KRABD1: variants seen among roughly 807,000 people sequenced by gnomAD.
KRABD1 encodes KRAB domain containing 1, also known as KRAB domain-containing protein 1.
chr3:42,941,391 A>G, the KRABD1 span: 1 of 1,530,588 alleles, frequency 6.5e-7, no homozygotes, highest in Non-Finnish European at 8.8e-7. Flanking sequence ...TTGGGCCCTC[A>G]GGTTGAAGGG....
At chr3:42,942,251 A>G in the KRABD1 span, among the ~76,000 whole-genome samples, 1 of 152,150 alleles carries the variant, frequency 6.6e-6, no homozygotes, top group Non-Finnish European at 1.5e-5. Flanking sequence ...GTAGTACACA[A>G]CACTCTTCTT....
the KRABD1 span, chr3:42,942,155 T>C: frequency 1.1e-6 from 1 of 952,218 alleles, no homozygotes; most frequent in South Asian, 1.4e-5. Context: ...GTGTTCTCTG[T>C]GCCCAGCATC....
the KRABD1 span, chr3:42,941,815 A>G: frequency 4.9e-6 from 3 of 610,782 alleles, no homozygotes; most frequent in Non-Finnish European, 8.9e-6. Context: ...GATCCCTCCC[A>G]GTACCTCTTT....
At chr3:42,939,923 G>C in the KRABD1 span, among the ~76,000 whole-genome samples, 604 of 152,120 alleles carry the variant, frequency 4.0e-3, 1 homozygote, top group Admixed American at 6.4e-3. Flanking sequence ...TCCTTTGTCA[G>C]ACATATGTGT....
At chr3:42,942,009 A>G in the KRABD1 span, 1 of 1,536,060 alleles carries the variant, frequency 6.5e-7, no homozygotes, top group Non-Finnish European at 8.7e-7. Flanking sequence ...CAAGGGAAAG[A>G]GTCCTGTTTC....
At chr3:42,942,064 CT>C in the KRABD1 span, 1 of 1,534,316 alleles carries the variant, frequency 6.5e-7, no homozygotes, top group Non-Finnish European at 8.7e-7. Context: ...GGAGAGCAGG[CT>C]GGATAGGTGA....
the KRABD1 span, among the ~76,000 whole-genome samples, chr3:42,940,699 A>T: frequency 1.3e-5 from 2 of 152,208 alleles, no homozygotes; most frequent in African/African-American, 4.8e-5. Flanking sequence ...GCATGAAGAC[A>T]GGCTGCGGGT....
At chr3:42,937,367 T>C in the KRABD1 span, 1 of 152,200 alleles carries the variant, frequency 6.6e-6, no homozygotes, top group Admixed American at 6.5e-5. Flanking sequence ...GTGACCTCTG[T>C]TGTAGTTCTA....
At chr3:42,942,498 A>G in the KRABD1 span, 5 of 560,914 alleles carry the variant, frequency 8.9e-6, no homozygotes, top group Non-Finnish European at 1.4e-5. Flanking sequence ...ATACTGAAAT[A>G]TTTTAAGCTT....
chr3:42,940,135 G>C, the KRABD1 span, among the ~76,000 whole-genome samples: 2 of 152,138 alleles, frequency 1.3e-5, no homozygotes, highest in African/African-American at 4.8e-5. Flanking sequence ...TTAGGTGTGT[G>C]ATTCATCTCA....
the KRABD1 span, among the ~76,000 whole-genome samples, chr3:42,939,827 A>G: frequency 6.6e-6 from 1 of 151,480 alleles, no homozygotes. Flanking sequence ...TCTTATGTGA[A>G]CTCCCTGTTC....
the KRABD1 span, chr3:42,937,074 T>A: frequency 6.6e-6 from 1 of 152,190 alleles, no homozygotes; most frequent in Non-Finnish European, 1.5e-5. Flanking sequence ...GTGTGTCCAG[T>A]GTTTAACATA....
the KRABD1 span, among the ~76,000 whole-genome samples, chr3:42,939,733 G>A: frequency 2.6e-5 from 4 of 152,236 alleles, no homozygotes; most frequent in African/African-American, 9.6e-5. Flanking sequence ...CTCGTTTGCA[G>A]TATCTCATTG....
At chr3:42,941,478 A>G in the KRABD1 span, 28 of 1,014,192 alleles carry the variant, frequency 2.8e-5, no homozygotes, top group Non-Finnish European at 3.9e-5. Context: ...GTGTCTATTG[A>G]CTTGCGAAAG....
the KRABD1 span, chr3:42,941,143 A>G: frequency 1.4e-5 from 19 of 1,338,130 alleles, no homozygotes; most frequent in African/African-American, 2.9e-5. Context: ...TCATTTGTAG[A>G]TGCCCTTCTC....
the KRABD1 span, chr3:42,941,053 A>G: frequency 2.1e-6 from 1 of 478,950 alleles, no homozygotes; most frequent in Non-Finnish European, 3.6e-6. Flanking sequence ...GGCTACTTTA[A>G]TTCTGCATCT....
the KRABD1 span, among the ~76,000 whole-genome samples, chr3:42,939,711 T>C: frequency 2.2e-4 from 34 of 152,178 alleles, no homozygotes; most frequent in African/African-American, 8.2e-4. Context: ...TCCTTACCAT[T>C]ACTTGTTGTC....
At chr3:42,939,441 A>T in the KRABD1 span, among the ~76,000 whole-genome samples, 1 of 152,254 alleles carries the variant, frequency 6.6e-6, no homozygotes, top group South Asian at 2.1e-4. Context: ...TCATTTTGTG[A>T]TAATAGCACA....
chr3:42,939,001 CATAAAA>C, the KRABD1 span: 8 of 1,125,920 alleles, frequency 7.1e-6, no homozygotes, highest in Admixed American at 1.9e-4. Flanking sequence ...TAGATACATA[CATAAAA>C]ATATCTATAT....
Sources: gnomAD v4.1 joint callset for allele counts (sites outside exome capture counted in the v4.1 genomes callset) on GRCh38, gnomAD v4.1.1 for gene constraint, MANE v1.5 for transcripts, NCBI Gene and HGNC (gene_info 2026-07-23, HGNC 2026-07-21) for gene names.